LYSMD2: variants seen among roughly 807,000 people sequenced by gnomAD.
LYSMD2 encodes the protein LysM domain containing 2, also known as lysM and putative peptidoglycan-binding domain-containing protein 2.
LYSMD2 carries 6 observed loss-of-function variants against 17.7 expected under a neutral mutation model. The observed-to-expected ratio is 0.34, with a 90% CI of 0.19 to 0.67. The LOEUF (loss-of-function observed/expected upper bound fraction) is 0.67, where lower values mean the gene tolerates loss of function less well. Ranked by LOEUF, LYSMD2 falls within the 30% of genes least tolerant of loss-of-function variation. The pLI is 0.69. For missense variants in LYSMD2, 237 were observed against 286.7 expected, an observed-to-expected ratio of 0.83 and a Z score of 1.25; for synonymous variants, 102 against 129.8, an observed-to-expected ratio of 0.79 and a Z score of 1.45.
chr15:51,724,190 C>G (rs956470684), intron 2 of LYSMD2, among the ~76,000 whole-genome samples: 1 of 151,866 alleles, frequency 6.6e-6, no homozygotes, highest in African/African-American at 2.4e-5. Flanking sequence ...GAAATCAAAT[C>G]ATAAAGAAAA....
chr15:51,724,180 G>C (rs759556605), intron 2 of LYSMD2, among the ~76,000 whole-genome samples: 2 of 151,848 alleles, frequency 1.3e-5, no homozygotes, highest in Non-Finnish European at 2.9e-5. Context: ...GTACTTTTTT[G>C]AAATCAAATC....
At chr15:51,745,900 G>A (rs1344031897) in intron 1 of LYSMD2, among the ~76,000 whole-genome samples, 1 of 152,148 alleles carries the variant, frequency 6.6e-6, no homozygotes, top group Non-Finnish European at 1.5e-5. Context: ...AAATCACAAT[G>A]AGATACCACT....
rs1270573812 is a variant in LYSMD2 at position 51,737,262 on chromosome 15, T to TCCCACC, written c.273+82_273+87dup. 2 of 133,890 alleles carry TCCCACC rather than the reference T, an allele frequency of 1.5e-5. No individual in the cohort carries two copies. Among genetic ancestry groups the TCCCACC allele is most frequent in the East Asian group, 1.9e-4 (1 of 5,298 alleles). 8.3% of individuals were successfully genotyped at this position (133,890 alleles called of 1,614,324 possible). A position where few individuals can be genotyped will look rare whatever the true frequency, so the allele number is the denominator to read the frequency against. ...CCATCCCCCAAACCCCCACCCGCAG[T>TCCCACC]CCCACCCCCACCCCCACCGCACCCC... On this transcript the variant is annotated intron_variant, in intron 1 of 2. Coordinates refer to ENST00000267838, the MANE Select transcript of LYSMD2 (RefSeq NM_153374.3). This position sits in a 1 kb window ranked among gnomAD's most constrained non-coding sequence, Gnocchi z 4.2.
At chr15:51,748,652 A>C (rs1319192713) in intron 1 of LYSMD2, among the ~76,000 whole-genome samples, 1 of 152,216 alleles carries the variant, frequency 6.6e-6, no homozygotes. Flanking sequence ...ACTCAACAAC[A>C]ATATGGCCGA....
At chr15:51,729,946 T>C (rs775089502) in intron 1 of LYSMD2, among the ~76,000 whole-genome samples, 3 of 152,208 alleles carry the variant, frequency 2.0e-5, no homozygotes, top group Non-Finnish European at 4.4e-5. Flanking sequence ...AGAAAATGTG[T>C]CCTTTCAAAC....
At chr15:51,730,747 A>G (rs868812056) in intron 1 of LYSMD2, among the ~76,000 whole-genome samples, 3 of 152,358 alleles carry the variant, frequency 2.0e-5, no homozygotes, top group African/African-American at 7.2e-5. Context: ...AAAATGTTTC[A>G]GGATACATAA....
chr15:51,738,371 G>A (rs1195429735), upstream of LYSMD2, among the ~76,000 whole-genome samples: 1 of 152,098 alleles, frequency 6.6e-6, no homozygotes, highest in Non-Finnish European at 1.5e-5. Context: ...TGGCTGCCTC[G>A]AAAGGCTGGC....
rs1172044810 is a variant in LYSMD2, at chr15:51,724,944, C to G, written c.451G>C (p.Val151Leu). 6.2e-7 allele frequency: 1 copy of G among 1,614,140 alleles called. No individual in the cohort carries two copies. The stretch of plus-strand genomic sequence containing the variant: ...GGAGGAGGGAGGTCTTCCCCGGCCA[C>G]CACTGGCTCCTCTTCCTGAGAAAAA... ...NSFSQEEEPV[V>L]AGEDLPPPSP... is the part of the protein sequence containing the mutation. Residue 151 changes from valine (V) to leucine (L), a missense_variant, in exon 2 of 3, where the codon GTG (valine) becomes CTG (leucine). Val to Leu is a conservative substitution (Grantham distance 32). Transcript: ENST00000267838.
chr15:51,732,274 G>A (rs1376916008), intron 1 of LYSMD2, among the ~76,000 whole-genome samples: 1 of 152,128 alleles, frequency 6.6e-6, no homozygotes, highest in Non-Finnish European at 1.5e-5. Flanking sequence ...CTTCATACCA[G>A]TCAAGCTTTC....
upstream of LYSMD2, among the ~76,000 whole-genome samples, chr15:51,740,206 G>A (rs1595853722): frequency 1.3e-5 from 2 of 152,226 alleles, no homozygotes; most frequent in African/African-American, 2.4e-5. Context: ...TGATCCATCA[G>A]CCTCAGCCTT....
intron 1 of LYSMD2, among the ~76,000 whole-genome samples, chr15:51,746,078 T>A (rs1180070067): frequency 6.6e-6 from 1 of 152,212 alleles, no homozygotes; most frequent in Non-Finnish European, 1.5e-5. Flanking sequence ...AGTTACCATA[T>A]GACACAGTAA....
chr15:51,749,708 C>T (rs1174199762), intron 1 of LYSMD2, among the ~76,000 whole-genome samples: 1 of 152,204 alleles, frequency 6.6e-6, no homozygotes, highest in Non-Finnish European at 1.5e-5. Flanking sequence ...ACTGCTGGCT[C>T]GATCCGTAAG....
At chr15:51,726,210 G>A (rs2055539182) in intron 1 of LYSMD2, among the ~76,000 whole-genome samples, 1 of 152,174 alleles carries the variant, frequency 6.6e-6, no homozygotes, top group Non-Finnish European at 1.5e-5. Flanking sequence ...AGTTTAAGGG[G>A]AGAAAGAGAA....
intron 1 of LYSMD2, among the ~76,000 whole-genome samples, chr15:51,749,827 A>G (rs891733547): frequency 2.6e-5 from 4 of 152,268 alleles, no homozygotes; most frequent in Admixed American, 2.0e-4. Flanking sequence ...ACAAATGTAC[A>G]GGAAAACTTG....
At chr15:51,750,280 A>T (rs11070867) in intron 1 of LYSMD2, among the ~76,000 whole-genome samples, 61,820 of 152,118 alleles carry the variant, frequency 0.41, 12,720 homozygotes, top group Middle Eastern at 0.46. Flanking sequence ...CACAAATAGG[A>T]AAGTATTTTC....
At chr15:51,750,883 G>A (rs144222717) in intron 1 of LYSMD2, among the ~76,000 whole-genome samples, 2 of 152,156 alleles carry the variant, frequency 1.3e-5, no homozygotes, top group Non-Finnish European at 1.5e-5. Flanking sequence ...GCCCAACGAG[G>A]TCCAACTATC....
intron 1 of LYSMD2, among the ~76,000 whole-genome samples, chr15:51,733,231 G>A (rs961564715): frequency 5.3e-5 from 8 of 150,712 alleles, no homozygotes; most frequent in African/African-American, 2.0e-4. Context: ...GTCTTCCCTG[G>A]CCACACCATT....
intron 1 of LYSMD2, among the ~76,000 whole-genome samples, chr15:51,728,583 T>C (rs968570631): frequency 6.6e-6 from 1 of 151,908 alleles, no homozygotes; most frequent in African/African-American, 2.4e-5. Context: ...AAAATATTGT[T>C]TCTCAGCGGG....
At chr15:51,727,470 C>T (rs1229840940) in intron 1 of LYSMD2, among the ~76,000 whole-genome samples, 1 of 152,228 alleles carries the variant, frequency 6.6e-6, no homozygotes, top group African/African-American at 2.4e-5. Flanking sequence ...GCTTCAACTT[C>T]CCTTGTTGGT....
Sources: gnomAD v4.1 joint callset for allele counts (sites outside exome capture counted in the v4.1 genomes callset) on GRCh38, gnomAD v4.1.1 for gene constraint, Gnocchi (gnomAD v3.1) non-coding constraint, MANE v1.5 for transcripts, NCBI Gene and HGNC (gene_info 2026-07-23, HGNC 2026-07-21) for gene names.